The following BTF3L4 variants were observed in gnomAD, a reference collection of about 807,000 sequenced individuals.
The protein encoded by BTF3L4 is transcription factor BTF3 homolog 4.
Under a neutral mutation model 16.8 loss-of-function variants are expected in BTF3L4, and 6 were observed. That is an observed-to-expected ratio of 0.36 (90% CI 0.20 to 0.71). BTF3L4 has a LOEUF of 0.71. Among genes scored for constraint, BTF3L4 ranks in the 30% least tolerant of loss-of-function variants. The pLI is 0.58. For missense variants in BTF3L4, 92 were observed against 186.9 expected (o/e 0.49, Z 2.96); for synonymous variants, 39 against 59.8 (o/e 0.65, Z 1.60).
chr1:52,081,863 G>A (rs1284881582), intron 3 of BTF3L4, among the ~76,000 whole-genome samples: 4 of 152,156 alleles, frequency 2.6e-5, no homozygotes, highest in Non-Finnish European at 5.9e-5. Context: ...CTGTGTTCCA[G>A]GTCTTGCCTG....
chr1:52,059,183 T>G (rs1417897441), intron 1 of BTF3L4, among the ~76,000 whole-genome samples: 1 of 152,176 alleles, frequency 6.6e-6, no homozygotes, highest in East Asian at 1.9e-4. Flanking sequence ...ACATACTATA[T>G]CAGTGCAGGG....
At chr1:52,062,938 G>GT (rs1686557760) in intron 2 of BTF3L4, among the ~76,000 whole-genome samples, 1 of 760 alleles carries the variant, frequency 1.3e-3, no homozygotes, top group African/African-American at 2.0e-3. Flanking sequence ...AGCTCACAAC[G>GT]GTTCGCCCTC....
rs200613105 is a variant in BTF3L4, at chr1:52,058,962, TG to T, written c.-13-872del. Reference sequence around the variant, plus strand: ...TGATGACCCATTATAAACTTAAGAATGTTTTTTTCTTAGTGGGATTATCACT... The same window carrying T: ...TGATGACCCATTATAAACTTAAGAATTTTTTTTCTTAGTGGGATTATCACT... On this transcript the variant is annotated intron_variant, in intron 1 of 5. Transcript: ENST00000313334. Among the ~76,000 whole-genome samples the T allele has an allele frequency of 4.8e-3, 728 of 152,314 alleles. 13 individuals carry two copies. In the South Asian group the frequency reaches 0.053, roughly 11 times the overall value.
chr1:52,056,764 G>A (rs1686370706), intron 1 of BTF3L4, among the ~76,000 whole-genome samples: 1 of 152,214 alleles, frequency 6.6e-6, no homozygotes, highest in African/African-American at 2.4e-5. Context: ...TCTACAGATA[G>A]GGAAGCTGAG....
At chr1:52,070,069 T>C (rs1686745389) in intron 3 of BTF3L4, among the ~76,000 whole-genome samples, 1 of 152,000 alleles carries the variant, frequency 6.6e-6, no homozygotes, top group Non-Finnish European at 1.5e-5. Context: ...ATACAGAAAT[T>C]AGCTGAGTGT....
chr1:52,081,169 C>A (rs1349541214), intron 3 of BTF3L4, among the ~76,000 whole-genome samples: 17 of 149,726 alleles, frequency 1.1e-4, no homozygotes, highest in African/African-American at 4.1e-4. Flanking sequence ...AAGAGCTTCA[C>A]TCTTGTCGCC....
intron 3 of BTF3L4, among the ~76,000 whole-genome samples, chr1:52,068,801 T>G (rs1686715326): frequency 6.6e-6 from 1 of 152,170 alleles, no homozygotes; most frequent in African/African-American, 2.4e-5. Flanking sequence ...CATCAGTATT[T>G]CCAAGGACAT....
At position 52,070,251 on chromosome 1, in the gene BTF3L4, A is replaced by G. The variant is rs556434875; in HGVS notation, c.168+5313A>G. On this transcript the variant is annotated intron_variant, in intron 3 of 5. Transcript: ENST00000313334. ...AAACTAAAAGACTATTTGGAATAAG[A>G]CAAGCTTCTCTGACCTTCTTTGGTT... Among the ~76,000 whole-genome samples, 21 of 151,682 alleles carry G rather than the reference A, an allele frequency of 1.4e-4. 1 individual carries two copies. In the South Asian group the frequency reaches 4.4e-3, roughly 32 times the overall value.
intron 3 of BTF3L4, among the ~76,000 whole-genome samples, chr1:52,068,384 G>A (rs758189621): frequency 2.0e-5 from 3 of 152,186 alleles, no homozygotes; most frequent in African/African-American, 7.2e-5. Context: ...TGTAGCTTAC[G>A]ATCTGGTGAG....
At chr1:52,060,861 G>GTGTGA (rs1686491186) in intron 2 of BTF3L4, among the ~76,000 whole-genome samples, 1 of 152,220 alleles carries the variant, frequency 6.6e-6, no homozygotes, top group South Asian at 2.1e-4. Flanking sequence ...GTAGCATCAA[G>GTGTGA]TGTGATGTGA....
In BTF3L4 at chr1:52,090,521, C is replaced by G. The variant is rs370959807; in HGVS notation, c.*3763C>G. On this transcript the variant is annotated 3_prime_UTR_variant, in exon 6 of 6. Transcript: ENST00000313334. Reference sequence around the variant, plus strand: ...CTCTCTCCAGCCCATTACACAGGAGCCAGCTACCTAAATTTCCTATCTGAG... The same window carrying G: ...CTCTCTCCAGCCCATTACACAGGAGGCAGCTACCTAAATTTCCTATCTGAG... The G allele has an allele frequency of 3.3e-5, 5 of 152,236 alleles. No individual in the cohort carries two copies. The East Asian group carries it at 9.6e-4, about 29-fold the overall frequency. 9.4% of individuals were successfully genotyped at this position (152,236 alleles called of 1,614,324 possible).
intron 3 of BTF3L4, among the ~76,000 whole-genome samples, chr1:52,081,445 G>A (rs569061836): frequency 2.0e-5 from 3 of 152,220 alleles, no homozygotes; most frequent in Non-Finnish European, 2.9e-5. Flanking sequence ...TTTAAACCAC[G>A]TGATTTGGTC....
At chr1:52,064,618 G>GA (rs1405209204) in intron 2 of BTF3L4, among the ~76,000 whole-genome samples, 1 of 151,840 alleles carries the variant, frequency 6.6e-6, no homozygotes, top group East Asian at 1.9e-4. Flanking sequence ...AGCTGATAAG[G>GA]AAAAAAAAGG....
At chr1:52,057,550 A>G (rs1686403696) in intron 1 of BTF3L4, among the ~76,000 whole-genome samples, 2 of 152,194 alleles carry the variant, frequency 1.3e-5, no homozygotes, top group Non-Finnish European at 2.9e-5. Flanking sequence ...AGATGTTGAG[A>G]TGACATCACA....
intron 3 of BTF3L4, among the ~76,000 whole-genome samples, chr1:52,073,479 A>G (rs906977843): frequency 3.9e-5 from 5 of 127,276 alleles, no homozygotes; most frequent in South Asian, 2.9e-4. Context: ...TATATGCACT[A>G]TATATATGCT....
rs1644001045 is a variant in BTF3L4 at position 52,089,539 on chromosome 1, A to G, written c.*2781A>G. On this transcript the variant is annotated 3_prime_UTR_variant, in exon 6 of 6. Transcript: ENST00000313334. ...TTTTTATATTTAAATAACTAGTTAA[A>G]TATGTGCTTCTTACTAAGATTAGGT... The G allele has an allele frequency of 6.6e-6, 1 of 152,220 alleles. No homozygotes were observed. The highest frequency in any genetic ancestry group is 2.4e-5 in the African/African-American group (1 of 41,468). The allele number at this position is 152,220 out of a possible 1,614,324, so 9.4% of individuals were successfully genotyped here. A position where few individuals can be genotyped will look rare whatever the true frequency, so the allele number is the denominator to read the frequency against.
At chr1:52,073,689 CAAAAAAAAAA>C (rs57529132) in intron 3 of BTF3L4, among the ~76,000 whole-genome samples, 3 of 67,646 alleles carry the variant, frequency 4.4e-5, no homozygotes, top group African/African-American at 1.4e-4. Flanking sequence ...GCTGTCTCTA[CAAAAAAAAAA>C]AAAAAAAAAA....
At chr1:52,064,091 C>T (rs114514657) in intron 2 of BTF3L4, among the ~76,000 whole-genome samples, 140 of 152,314 alleles carry the variant, frequency 9.2e-4, no homozygotes, top group African/African-American at 3.2e-3. Flanking sequence ...ATTCCTCTTC[C>T]GTTCCCATTA....
chr1:52,086,209 C>T, intron 5 of BTF3L4, 38 bp downstream of exon 5: 1 of 1,484,842 alleles, frequency 6.7e-7, no homozygotes, highest in East Asian at 2.3e-5. Flanking sequence ...TTTTAAGCAT[C>T]CTGTTTATCT....
Sources: gnomAD v4.1 joint callset for allele counts (sites outside exome capture counted in the v4.1 genomes callset) on GRCh38, gnomAD v4.1.1 for gene constraint, MANE v1.5 for transcripts, NCBI Gene and HGNC (gene_info 2026-07-23, HGNC 2026-07-21) for gene names.